ATP6V1E2: variants seen among roughly 807,000 people sequenced by gnomAD.
ATP6V1E2 encodes V-type proton ATPase subunit E 2.
For synonymous variants in ATP6V1E2, 121 were observed against 104.2 expected (o/e 1.16, Z -0.98); for missense variants, 308 against 273.3 (o/e 1.13, Z -0.90).
chr2:46,521,353 GC>G (rs1666614156), intron 4 of ATP6V1E2, among the ~76,000 whole-genome samples: 1 of 152,178 alleles, frequency 6.6e-6, no homozygotes, highest in African/African-American at 2.4e-5. Context: ...TTCTTGGTGG[GC>G]AAAATATGTC....
intron 4 of ATP6V1E2, among the ~76,000 whole-genome samples, chr2:46,515,034 A>C (rs1192679590): frequency 6.6e-6 from 1 of 152,180 alleles, no homozygotes; most frequent in East Asian, 1.9e-4. Flanking sequence ...TATTTGGAAA[A>C]ACTGTCCTAC....
chr2:46,514,253 T>G (rs915030521), intron 4 of ATP6V1E2, among the ~76,000 whole-genome samples: 3 of 151,894 alleles, frequency 2.0e-5, no homozygotes, highest in Non-Finnish European at 2.9e-5. Context: ...CAGTCCAGCT[T>G]GGGTGACAAG....
chr2:46,524,749 C>T (rs1411166663), intron 4 of ATP6V1E2, among the ~76,000 whole-genome samples: 6 of 152,028 alleles, frequency 3.9e-5, no homozygotes, highest in Admixed American at 2.6e-4. Context: ...GAGAACACTG[C>T]GGGCAAAGGC....
At chr2:46,531,124 A>T (rs187902627) in intron 4 of ATP6V1E2, among the ~76,000 whole-genome samples, 2 of 152,312 alleles carry the variant, frequency 1.3e-5, no homozygotes, top group Admixed American at 6.5e-5. Flanking sequence ...GCTTCAAAAC[A>T]CTTTTATCAC....
chr2:46,522,700 T>A (rs1666701266), intron 4 of ATP6V1E2, among the ~76,000 whole-genome samples: 1 of 152,258 alleles, frequency 6.6e-6, no homozygotes, highest in Admixed American at 6.5e-5. Context: ...GCAATAAACA[T>A]ACATGTGCAT....
At chr2:46,540,066 G>A (rs539190350) in intron 2 of ATP6V1E2, among the ~76,000 whole-genome samples, 1 of 152,256 alleles carries the variant, frequency 6.6e-6, no homozygotes, top group East Asian at 1.9e-4. Flanking sequence ...TTGAAATATG[G>A]AATGAATTAA....
intron 4 of ATP6V1E2, chr2:46,519,075 C>G (rs897091172): frequency 2.6e-5 from 4 of 152,178 alleles, no homozygotes; most frequent in African/African-American, 9.7e-5. Flanking sequence ...GCAGTCTGAC[C>G]AGGCAGCTTG....
chr2:46,513,198 C>CAGGATTGAATCCAGAA (rs1553411678), intron 4 of ATP6V1E2, among the ~76,000 whole-genome samples: 2 of 84,628 alleles, frequency 2.4e-5, no homozygotes, highest in East Asian at 4.2e-4. Context: ...CATGGTCAGC[C>CAGGATTGAATCCAGAA]AGGATTTAAT....
intron 1 of ATP6V1E2, chr2:46,541,972 G>A (rs1019814810): frequency 6.6e-6 from 1 of 152,316 alleles, no homozygotes; most frequent in Non-Finnish European, 1.5e-5. Context: ...TACATTTGCC[G>A]GGTCCGGAGC....
chr2:46,521,493 C>A (rs567802233), intron 4 of ATP6V1E2, among the ~76,000 whole-genome samples: 23 of 152,050 alleles, frequency 1.5e-4, no homozygotes, highest in Non-Finnish European at 3.2e-4. Context: ...GGAAGCAGGA[C>A]CAAACGTGGG....
intron 1 of ATP6V1E2, chr2:46,541,698 A>AG (rs1197457955): frequency 6.6e-6 from 1 of 152,184 alleles, no homozygotes; most frequent in Non-Finnish European, 1.5e-5. Context: ...AGTTGAGGGG[A>AG]GGGGTGCGGT....
chr2:46,516,028 A>G (rs994167702), intron 4 of ATP6V1E2, among the ~76,000 whole-genome samples: 3 of 152,226 alleles, frequency 2.0e-5, no homozygotes, highest in Non-Finnish European at 4.4e-5. Context: ...AAATATATGA[A>G]GCAAGCATTG....
At chr2:46,539,663 A>G (rs1667626722) in intron 2 of ATP6V1E2, among the ~76,000 whole-genome samples, 1 of 152,232 alleles carries the variant, frequency 6.6e-6, no homozygotes, top group Admixed American at 6.5e-5. Flanking sequence ...CCAGTTCCCC[A>G]GCACCACTAA....
intron 2 of ATP6V1E2, among the ~76,000 whole-genome samples, chr2:46,537,733 C>CG (rs539397963): frequency 8.5e-4 from 129 of 152,182 alleles, no homozygotes; most frequent in African/African-American, 2.9e-3. Flanking sequence ...CCTAAAGCAT[C>CG]CTAGCCACAA....
intron 4 of ATP6V1E2, among the ~76,000 whole-genome samples, chr2:46,521,381 T>G (rs1666616612): frequency 1.3e-5 from 2 of 152,312 alleles, no homozygotes; most frequent in South Asian, 4.1e-4. Context: ...CCTGGAGCCC[T>G]GCCCAGACCC....
At chr2:46,529,853 C>T (rs1207566197) in intron 4 of ATP6V1E2, among the ~76,000 whole-genome samples, 1 of 152,096 alleles carries the variant, frequency 6.6e-6, no homozygotes, top group African/African-American at 2.4e-5. Context: ...CCAATAGACT[C>T]TCAACAATCT....
chr2:46,528,537 G>GAA (rs577066373), intron 4 of ATP6V1E2, among the ~76,000 whole-genome samples: 212 of 152,346 alleles, frequency 1.4e-3, no homozygotes, highest in Admixed American at 4.2e-3. Flanking sequence ...GACTCCTCCA[G>GAA]GGCAGGACTC....
intron 4 of ATP6V1E2, among the ~76,000 whole-genome samples, chr2:46,523,902 T>C (rs1666763690): frequency 6.6e-6 from 1 of 152,204 alleles, no homozygotes; most frequent in South Asian, 2.1e-4. Context: ...TCCTCTCTTA[T>C]TCCTTGAGCA....
At chr2:46,532,696 T>C (rs1382717178) in intron 4 of ATP6V1E2, among the ~76,000 whole-genome samples, 1 of 152,196 alleles carries the variant, frequency 6.6e-6, no homozygotes, top group Non-Finnish European at 1.5e-5. Flanking sequence ...TGTTTGTTCC[T>C]TTCCCTCTGG....
Sources: gnomAD v4.1 joint callset for allele counts (sites outside exome capture counted in the v4.1 genomes callset) on GRCh38, gnomAD v4.1.1 for gene constraint, MANE v1.5 for transcripts, NCBI Gene and HGNC (gene_info 2026-07-23, HGNC 2026-07-21) for gene names.